GPM6A: variants seen among roughly 807,000 people sequenced by gnomAD.
GPM6A encodes neuronal membrane glycoprotein M6-a.
GPM6A carries 7 observed loss-of-function variants against 32.1 expected under a neutral mutation model. The observed-to-expected ratio is 0.22, with a 90% CI of 0.12 to 0.41. The LOEUF (loss-of-function observed/expected upper bound fraction) is 0.41. GPM6A is among the 10% of genes least tolerant of loss of function. The pLI is 1.00. For synonymous variants in GPM6A, 130 were observed against 123.4 expected, an observed-to-expected ratio of 1.05 and a Z score of -0.35; for missense variants, 235 against 347.2, an observed-to-expected ratio of 0.68 and a Z score of 2.57.
intron 1 of GPM6A, chr4:175,787,791 A>G (rs1259703759): frequency 5.2e-6 from 1 of 192,724 alleles, no homozygotes; most frequent in Non-Finnish European, 9.6e-6. Context: ...TACAGAATAT[A>G]GGCTCCATGA....
At chr4:175,867,930 T>C (rs1736791234) in intron 1 of GPM6A, among the ~76,000 whole-genome samples, 1 of 152,216 alleles carries the variant, frequency 6.6e-6, no homozygotes. Flanking sequence ...AGTGCTCTCA[T>C]GTATTTCAAA....
intron 3 of GPM6A, among the ~76,000 whole-genome samples, chr4:175,653,293 A>G (rs1741905198): frequency 2.0e-5 from 3 of 152,126 alleles, no homozygotes; most frequent in South Asian, 2.1e-4. Context: ...AGGAGATCAA[A>G]CCTTTTTATT....
chr4:175,807,163 C>T (rs933600489), intron 1 of GPM6A, among the ~76,000 whole-genome samples: 1 of 152,060 alleles, frequency 6.6e-6, no homozygotes, highest in East Asian at 1.9e-4. Flanking sequence ...CAATAGTTCT[C>T]CAAATATTAT....
At chr4:175,727,108 G>T (rs1383232422) in intron 1 of GPM6A, among the ~76,000 whole-genome samples, 2 of 152,112 alleles carry the variant, frequency 1.3e-5, no homozygotes. Flanking sequence ...TGGTCAAATT[G>T]CAGAAATTCT....
At chr4:175,879,809 G>T (rs549410691) in intron 1 of GPM6A, among the ~76,000 whole-genome samples, 1 of 152,094 alleles carries the variant, frequency 6.6e-6, no homozygotes, top group African/African-American at 2.4e-5. Flanking sequence ...GGTTAGAAAA[G>T]AATGTTATGC....
upstream of GPM6A, chr4:175,812,764 A>G (rs1734980627): frequency 1.0e-6 from 1 of 985,358 alleles, no homozygotes; most frequent in African/African-American, 1.7e-5. Context: ...GAAAGCCCAG[A>G]TTCCCGTCGG....
rs185148704 is a variant in GPM6A, at chr4:175,939,015, C to A, written c.-23+63294G>T. Among the ~76,000 whole-genome samples the A allele has an allele frequency of 9.3e-4, 141 of 152,010 alleles. 1 individual carries two copies. Among genetic ancestry groups the A allele is most frequent in the African/African-American group, 3.0e-3 (126 of 41,464 alleles). ...ATTCATTCTGTAATTTAAATGCTAT[C>A]TAGTAACCAAAAGAATAATGCTAAA... On this transcript the variant is annotated intron_variant, in intron 1 of 7. Coordinates refer to the GPM6A transcript ENST00000280187.
At chr4:175,833,231 G>A (rs1218025265) in intron 1 of GPM6A, among the ~76,000 whole-genome samples, 1 of 152,084 alleles carries the variant, frequency 6.6e-6, no homozygotes, top group Admixed American at 6.6e-5. Flanking sequence ...AAGACTCCTG[G>A]GGGTGGGCGG....
chr4:175,681,288 A>C (rs1743672484), intron 2 of GPM6A, among the ~76,000 whole-genome samples: 1 of 152,156 alleles, frequency 6.6e-6, no homozygotes, highest in Non-Finnish European at 1.5e-5. Flanking sequence ...AATTGTTGCT[A>C]ATCTGATGGG....
intron 1 of GPM6A, among the ~76,000 whole-genome samples, chr4:175,753,166 G>A (rs1018145951): frequency 2.0e-5 from 3 of 152,016 alleles, no homozygotes; most frequent in Non-Finnish European, 1.5e-5. Context: ...GATGTTCCAT[G>A]TTCGATATAC....
At chr4:175,829,355 C>T (rs1277938686) in intron 1 of GPM6A, among the ~76,000 whole-genome samples, 1 of 152,046 alleles carries the variant, frequency 6.6e-6, no homozygotes, top group African/African-American at 2.4e-5. Flanking sequence ...TTAGTAATAT[C>T]CTTTTAGATT....
chr4:175,977,935 A>G (rs1471474883), intron 1 of GPM6A, among the ~76,000 whole-genome samples: 5 of 152,152 alleles, frequency 3.3e-5, no homozygotes, highest in Non-Finnish European at 1.5e-5. Flanking sequence ...CGCACCACTT[A>G]ACCCTCCAAA....
chr4:175,940,140 G>T (rs1172699883), intron 1 of GPM6A, among the ~76,000 whole-genome samples: 1 of 152,038 alleles, frequency 6.6e-6, no homozygotes, highest in Non-Finnish European at 1.5e-5. Context: ...AATAGGTAAG[G>T]TGACTTGGAG....
chr4:175,704,018 A>G lies in GPM6A; in HGVS notation c.38-2251T>C, dbSNP rs147193905. Among the ~76,000 whole-genome samples the G allele has an allele frequency of 2.3e-3, 357 of 152,348 alleles. 1 individual carries two copies. The highest frequency in any genetic ancestry group is 8.3e-3 in the African/African-American group (346 of 41,580). On this transcript the variant is annotated intron_variant, in intron 1 of 6. Transcript: ENST00000393658. ...TTTAAAATGGATTATTATTGTGCTT[A>G]AGTCATAGGAAGATCTGTGTGCACT... is the stretch of plus-strand genomic sequence containing the variant.
At chr4:175,891,188 T>C (rs1737637470) in intron 1 of GPM6A, among the ~76,000 whole-genome samples, 1 of 152,162 alleles carries the variant, frequency 6.6e-6, no homozygotes, top group Non-Finnish European at 1.5e-5. Context: ...TCTGAATTCA[T>C]ATTAAACGAA....
intron 1 of GPM6A, among the ~76,000 whole-genome samples, chr4:175,971,375 G>C (rs1740497773): frequency 6.6e-6 from 1 of 151,928 alleles, no homozygotes; most frequent in African/African-American, 2.4e-5. Flanking sequence ...TATTTTCACA[G>C]CTGCAATCAA....
chr4:175,708,072 C>G (rs1745305656), intron 1 of GPM6A, among the ~76,000 whole-genome samples: 1 of 152,160 alleles, frequency 6.6e-6, no homozygotes, highest in East Asian at 1.9e-4. Flanking sequence ...TGCCAGGTGT[C>G]AGACACTATG....
chr4:175,909,038 A>AAGGGGGGG (rs1449232071), intron 1 of GPM6A, among the ~76,000 whole-genome samples: 1 of 4,282 alleles, frequency 2.3e-4, no homozygotes. Context: ...CAAAAAAAAA[A>AAGGGGGGG]GGGCGGGGGG....
chr4:175,960,983 A>G (rs1740145107), intron 1 of GPM6A, among the ~76,000 whole-genome samples: 1 of 152,258 alleles, frequency 6.6e-6, no homozygotes. Context: ...TGATGAGGAC[A>G]TACTGTTTAA....
Sources: allele counts gnomAD v4.1 joint callset (sites outside exome capture counted in the v4.1 genomes callset), GRCh38; gene constraint gnomAD v4.1.1; transcripts MANE v1.5; gene names NCBI Gene and HGNC (gene_info 2026-07-23, HGNC 2026-07-21).